Variants in KCNAB1 observed in about 807,000 individuals in gnomAD.
KCNAB1 encodes the protein potassium voltage-gated channel subfamily A regulatory beta subunit 1.
Under a neutral mutation model 64.6 loss-of-function variants are expected in KCNAB1, and 35 were observed. The observed-to-expected ratio is 0.54, with a 90% CI of 0.41 to 0.72. KCNAB1 has a LOEUF of 0.72. Ranked by LOEUF, KCNAB1 falls within the 30% of genes least tolerant of loss-of-function variation. The pLI is 0.00. For synonymous variants in KCNAB1, 177 were observed against 183.8 expected (o/e 0.96, Z 0.30); for missense variants, 401 against 512.9 (o/e 0.78, Z 2.11).
At chr3:156,438,676 TGTCTA>T (rs1390716715) in intron 2 of KCNAB1, among the ~76,000 whole-genome samples, 2 of 152,230 alleles carry the variant, frequency 1.3e-5, no homozygotes, top group Non-Finnish European at 2.9e-5. Context: ...CTAGTACTAT[TGTCTA>T]GTACTATTCT....
At chr3:156,175,884 C>G (rs542600413) in intron 1 of KCNAB1, 2 of 753,912 alleles carry the variant, frequency 2.7e-6, no homozygotes, top group South Asian at 1.4e-5. Flanking sequence ...TCTTGTCACT[C>G]GATGCTGAGA....
At chr3:156,219,400 C>T (rs6764802) in intron 1 of KCNAB1, among the ~76,000 whole-genome samples, 5,461 of 151,534 alleles carry the variant, frequency 0.036, 352 homozygotes, top group African/African-American at 0.13. Flanking sequence ...TAACCTAATC[C>T]GTCAAAGACA....
intron 1 of KCNAB1, among the ~76,000 whole-genome samples, chr3:156,133,884 G>C (rs1714140766): frequency 6.6e-6 from 1 of 152,004 alleles, no homozygotes; most frequent in Non-Finnish European, 1.5e-5. Flanking sequence ...GTAATCGGCA[G>C]CTTCAGAACA....
rs376274309 is a variant in KCNAB1, at chr3:156,353,295, C to T, written c.276-68321C>T. Among the ~76,000 whole-genome samples the T allele has an allele frequency of 4.5e-4, 68 of 152,294 alleles. 1 individual carries two copies. The highest frequency in any genetic ancestry group is 1.6e-3 in the African/African-American group (65 of 41,552). On this transcript the variant is annotated intron_variant, in intron 1 of 13. Coordinates refer to ENST00000490337, the MANE Select transcript of KCNAB1 (RefSeq NM_172160.3). ...TCTCCATCCTTTTCTCCTCCTCGTC[C>T]TTCCTTCCTTTCTTAAATGTTTACC... is the stretch of plus-strand genomic sequence containing the variant.
chr3:156,424,266 T>C (rs997486783), intron 2 of KCNAB1, among the ~76,000 whole-genome samples: 1 of 152,128 alleles, frequency 6.6e-6, no homozygotes, highest in Non-Finnish European at 1.5e-5. Flanking sequence ...AGGGTCCTGA[T>C]GATGTGTGAG....
intron 1 of KCNAB1, among the ~76,000 whole-genome samples, chr3:156,301,407 C>T (rs1053696081): frequency 2.0e-5 from 3 of 152,274 alleles, no homozygotes; most frequent in South Asian, 2.1e-4. Flanking sequence ...TGCACAAGCA[C>T]GTCTGCATGA....
At chr3:156,394,512 G>A (rs974583451) in intron 1 of KCNAB1, among the ~76,000 whole-genome samples, 2 of 152,168 alleles carry the variant, frequency 1.3e-5, no homozygotes, top group African/African-American at 2.4e-5. Context: ...ACTTGTGCAA[G>A]GGAGGCAGCT....
At chr3:156,309,254 T>A (rs1721723392) in intron 1 of KCNAB1, among the ~76,000 whole-genome samples, 1 of 152,248 alleles carries the variant, frequency 6.6e-6, no homozygotes, top group Non-Finnish European at 1.5e-5. Flanking sequence ...AAATTTTAAA[T>A]CTGACTTGTC....
intron 1 of KCNAB1, among the ~76,000 whole-genome samples, chr3:156,265,055 T>A (rs1718621244): frequency 6.6e-6 from 1 of 152,200 alleles, no homozygotes; most frequent in Non-Finnish European, 1.5e-5. Context: ...TAATCTTCTA[T>A]ATTCAGAATT....
intron 1 of KCNAB1, among the ~76,000 whole-genome samples, chr3:156,355,681 A>G (rs1051776181): frequency 2.0e-5 from 3 of 152,204 alleles, no homozygotes; most frequent in Non-Finnish European, 4.4e-5. Flanking sequence ...GAAATATTCC[A>G]TATCATGTAC....
At chr3:156,457,103 G>A in intron 3 of KCNAB1, 1 of 607,480 alleles carries the variant, frequency 1.6e-6, no homozygotes, top group Non-Finnish European at 2.2e-6. Context: ...GAGGAATGGA[G>A]TCACACAGTG....
intron 1 of KCNAB1, among the ~76,000 whole-genome samples, chr3:156,241,049 G>C (rs574683134): frequency 1.3e-5 from 2 of 152,344 alleles, no homozygotes; most frequent in Admixed American, 1.3e-4. Context: ...CTTACTGAAG[G>C]CTGCTCCCAA....
intron 1 of KCNAB1, among the ~76,000 whole-genome samples, chr3:156,187,100 T>G (rs1483829635): frequency 6.6e-6 from 1 of 152,200 alleles, no homozygotes; most frequent in Non-Finnish European, 1.5e-5. Context: ...GCCATCCTCC[T>G]GCCTTGGCTT....
intron 2 of KCNAB1, among the ~76,000 whole-genome samples, chr3:156,440,858 C>A (rs1440183660): frequency 6.6e-6 from 1 of 152,042 alleles, no homozygotes; most frequent in East Asian, 1.9e-4. Flanking sequence ...AACATGAAAA[C>A]TGGGTAAATT....
upstream of KCNAB1, chr3:156,120,528 CGAGG>C: frequency 6.7e-7 from 1 of 1,490,416 alleles, no homozygotes; most frequent in Non-Finnish European, 9.2e-7. Flanking sequence ...TGGGCAGGGA[CGAGG>C]GAGGGAGGCA....
chr3:156,225,344 A>G (rs890397831), intron 1 of KCNAB1, among the ~76,000 whole-genome samples: 1 of 152,240 alleles, frequency 6.6e-6, no homozygotes, highest in Non-Finnish European at 1.5e-5. Context: ...ATAGATGCAG[A>G]AAAAGCATTT....
chr3:156,439,224 A>ATTTTTTTTTTTTTTTTTTTTTTT (rs56259743), intron 2 of KCNAB1, among the ~76,000 whole-genome samples: 2 of 115,118 alleles, frequency 1.7e-5, no homozygotes, highest in African/African-American at 3.3e-5. Flanking sequence ...CATCATTGTG[A>ATTTTTTTTTTTTTTTTTTTTTTT]TTTTTTTTTT....
At position 156,536,834 on chromosome 3, in the gene KCNAB1, C is replaced by A; in HGVS notation, c.*87C>A. ...GGTGTTACTAACCAGTCTTTTGAATCACTTAGCAGCTTGCTGCTCAACCTC... is the reference window on the plus strand; with the variant it reads ...GGTGTTACTAACCAGTCTTTTGAATAACTTAGCAGCTTGCTGCTCAACCTC... On this transcript the variant is annotated 3_prime_UTR_variant, in exon 14 of 14. Coordinates refer to ENST00000490337, the MANE Select transcript of KCNAB1 (RefSeq NM_172160.3). 1 of 906,132 alleles carries A rather than the reference C, an allele frequency of 1.1e-6. No individual in the cohort carries two copies. Among genetic ancestry groups the A allele is most frequent in the South Asian group, 1.4e-5 (1 of 73,026 alleles). The allele number at this position is 906,132 out of a possible 1,614,324, so 56.1% of individuals were successfully genotyped here.
chr3:156,323,717 A>G (rs1722810528), intron 1 of KCNAB1, among the ~76,000 whole-genome samples: 1 of 152,136 alleles, frequency 6.6e-6, no homozygotes. Flanking sequence ...TGGCAACCCC[A>G]TATTGGGTTC....
Sources: allele counts gnomAD v4.1 joint callset (sites outside exome capture counted in the v4.1 genomes callset), GRCh38; gene constraint gnomAD v4.1.1; transcripts MANE v1.5; gene names NCBI Gene and HGNC (gene_info 2026-07-23, HGNC 2026-07-21).